Variants in GDAP2 observed in about 807,000 individuals in gnomAD.
GDAP2 encodes ganglioside induced differentiation associated protein 2.
GDAP2 carries 51 observed loss-of-function variants against 67.0 expected under a neutral mutation model. The observed-to-expected ratio is 0.76, with a 90% CI of 0.61 to 0.96. GDAP2 has a LOEUF of 0.96. Among genes scored for constraint, GDAP2 ranks in the 40% least tolerant of loss-of-function variants. The pLI, the probability that GDAP2 is intolerant of heterozygous loss-of-function variation, is 0.00. For synonymous variants in GDAP2, 203 were observed against 207.3 expected, an observed-to-expected ratio of 0.98 and a Z score of 0.18; for missense variants, 547 against 588.3, an observed-to-expected ratio of 0.93 and a Z score of 0.73.
In GDAP2 at chr1:117,912,114, T is replaced by C. The variant is rs769936971; in HGVS notation, c.471-32A>G. 1.6e-6 allele frequency: 2 copies of C among 1,261,914 alleles called. 1 individual carries two copies. Among genetic ancestry groups the C allele is most frequent in the South Asian group, 2.4e-5 (2 of 83,982 alleles). 78.2% of individuals were successfully genotyped at this position (1,261,914 alleles called of 1,614,324 possible). The stretch of plus-strand genomic sequence containing the variant: ...CAAAGGGAAAACACAAAAATTGCAC[T>C]AGAAATATCAGTAATACATACACAA... On this transcript the variant is annotated intron_variant, in intron 4 of 13. Coordinates refer to ENST00000369443, the MANE Select transcript of GDAP2 (RefSeq NM_017686.4).
In GDAP2 at chr1:117,867,137, C is replaced by T. The variant is rs1252603428; in HGVS notation, c.*3432G>A. On this transcript the variant is annotated 3_prime_UTR_variant, in exon 14 of 14. Coordinates refer to ENST00000369443, the MANE Select transcript of GDAP2 (RefSeq NM_017686.4). ...TGCTGAATACTTAATTTTATCACTT[C>T]TCCATTAACTGTTATAAAGACAAGA... 1.3e-5 allele frequency: 2 copies of T among 152,050 alleles called. No homozygotes were observed. The highest frequency in any genetic ancestry group is 2.9e-5 in the Non-Finnish European group (2 of 68,016). The allele number at this position is 152,050 out of a possible 1,614,324, so 9.4% of individuals were successfully genotyped here. A position where few individuals can be genotyped will look rare whatever the true frequency, so the allele number is the denominator to read the frequency against.
At chr1:117,889,601 A>T (rs752747916) in intron 8 of GDAP2, among the ~76,000 whole-genome samples, 5 of 152,084 alleles carry the variant, frequency 3.3e-5, no homozygotes, top group Non-Finnish European at 7.4e-5. Context: ...TTCACTTAAC[A>T]TACTGTCTTA....
At position 117,867,048 on chromosome 1, in the gene GDAP2, T is replaced by G. The variant is rs912073679; in HGVS notation, c.*3521A>C. 2.9e-4 allele frequency: 44 copies of G among 152,276 alleles called. No homozygotes were observed. The highest frequency in any genetic ancestry group is 9.1e-4 in the African/African-American group (38 of 41,570). The allele number at this position is 152,276 out of a possible 1,614,324, so 9.4% of individuals were successfully genotyped here. On this transcript the variant is annotated 3_prime_UTR_variant, in exon 14 of 14. Transcript: ENST00000369443. The stretch of plus-strand genomic sequence containing the variant: ...ATTTCTGTGCATATATTAAGCAATT[T>G]AAACTCTATATACATACATACTGTC...
rs1241770618 is a variant in GDAP2, at chr1:117,881,989, A to C, written c.1248-112T>G. The C allele has an allele frequency of 9.6e-6, 6 of 622,684 alleles. No homozygotes were observed. In the African/African-American group the frequency reaches 1.1e-4, roughly 12 times the overall value. The allele number at this position is 622,684 out of a possible 1,614,324, so 38.6% of individuals were successfully genotyped here. The stretch of plus-strand genomic sequence containing the variant: ...GAGTATATAAATATATTCAGAGAAA[A>C]ATAAAGACAGCTATAATTTACAGAT... On this transcript the variant is annotated intron_variant, in intron 11 of 13. Transcript: ENST00000369443.
At chr1:117,902,484 C>A (rs1649513783) in intron 6 of GDAP2, among the ~76,000 whole-genome samples, 1 of 152,144 alleles carries the variant, frequency 6.6e-6, no homozygotes, top group Non-Finnish European at 1.5e-5. Flanking sequence ...TTTGTATCTG[C>A]TATAAGGTAG....
intron 8 of GDAP2, among the ~76,000 whole-genome samples, chr1:117,892,363 A>G (rs1195664602): frequency 2.0e-5 from 3 of 152,148 alleles, no homozygotes; most frequent in Non-Finnish European, 4.4e-5. Flanking sequence ...TCTTATAAAC[A>G]GCACCTCACT....
At chr1:117,907,980 A>G (rs1163673261) in intron 5 of GDAP2, among the ~76,000 whole-genome samples, 4 of 151,978 alleles carry the variant, frequency 2.6e-5, no homozygotes, top group Admixed American at 6.6e-5. Context: ...TATTCCTCCC[A>G]CATCTTATGC....
At chr1:117,922,941 C>A (rs56974581) in intron 1 of GDAP2, among the ~76,000 whole-genome samples, 40 of 152,320 alleles carry the variant, frequency 2.6e-4, no homozygotes, top group African/African-American at 8.9e-4. Flanking sequence ...GGCAGACACT[C>A]CCACGGTGGA....
intron 10 of GDAP2, 67 bp downstream of exon 10, chr1:117,886,510 C>T: frequency 1.1e-6 from 1 of 884,242 alleles, no homozygotes; most frequent in South Asian, 1.4e-5. Flanking sequence ...GCCTTGATTC[C>T]AAATTCATAT....
rs535850145 is a variant in GDAP2 at position 117,917,297 on chromosome 1, G to A, written c.316+1300C>T. Reference sequence around the variant, plus strand: ...TTGGAGTCATGCTTGTTTTTATTAAGTCATTAATAAAAATGTAAAAAGGGG... The same window carrying A: ...TTGGAGTCATGCTTGTTTTTATTAAATCATTAATAAAAATGTAAAAAGGGG... On this transcript the variant is annotated intron_variant, in intron 3 of 13. Coordinates refer to ENST00000369443, the MANE Select transcript of GDAP2 (RefSeq NM_017686.4). 2.6e-5 allele frequency among the ~76,000 whole-genome samples: 4 copies of A among 152,020 alleles called. No individual in the cohort carries two copies. In the East Asian group the frequency reaches 5.8e-4, roughly 22 times the overall value.
chr1:117,904,749 A>G (rs1649601802), intron 6 of GDAP2, among the ~76,000 whole-genome samples: 1 of 152,158 alleles, frequency 6.6e-6, no homozygotes, highest in Non-Finnish European at 1.5e-5. Flanking sequence ...CCCTGAGAGC[A>G]AGAGCCATAT....
chr1:117,912,793 T>A, intron 3 of GDAP2, 110 bp from the exon 4 acceptor site: 1 of 905,422 alleles, frequency 1.1e-6, no homozygotes, highest in Non-Finnish European at 1.7e-6. Context: ...AAATTTCAGT[T>A]AAAAATACAG....
rs80169279 is a variant in GDAP2, at chr1:117,870,550, A to G, written c.*19T>C. The G allele has an allele frequency of 5.5e-4, 834 of 1,522,944 alleles. 7 individuals carry two copies. The African/African-American group carries it at 0.01, about 19-fold the overall frequency. The allele number at this position is 1,522,944 out of a possible 1,614,324, so 94.3% of individuals were successfully genotyped here. A position where few individuals can be genotyped will look rare whatever the true frequency, so the allele number is the denominator to read the frequency against. On this transcript the variant is annotated 3_prime_UTR_variant, in exon 14 of 14. Coordinates refer to ENST00000369443, the MANE Select transcript of GDAP2 (RefSeq NM_017686.4). ...GGAAGTGGCATCCTGGGAACCAAGA[A>G]GCACTGAAAGATGGCAGGTCACAAA...
At chr1:117,927,338 T>C (rs181573984) in intron 1 of GDAP2, among the ~76,000 whole-genome samples, 34 of 152,196 alleles carry the variant, frequency 2.2e-4, no homozygotes, top group Admixed American at 7.2e-4. Flanking sequence ...CTGGGCAAAA[T>C]TGGGCATAAT....
chr1:117,877,856 G>A (rs2101118848), intron 13 of GDAP2, 153 bp downstream of exon 13: 1 of 1,274,866 alleles, frequency 7.8e-7, no homozygotes, highest in African/African-American at 1.5e-5. Flanking sequence ...AGTTATCATA[G>A]GGAAAGTATG....
intron 8 of GDAP2, among the ~76,000 whole-genome samples, chr1:117,893,107 T>C (rs112309568): frequency 0.014 from 2,071 of 152,228 alleles, 38 homozygotes; most frequent in South Asian, 0.092. Context: ...TAGTAAAAGC[T>C]TAATAAGTAT....
rs759941172 is a variant in GDAP2 at position 117,864,171 on chromosome 1, T to C, written c.*6398A>G. ...CATTATTCATGTTGATGAAACATTT[T>C]AAAATAATATTCATGCTCTGAATTA... On this transcript the variant is annotated 3_prime_UTR_variant, in exon 14 of 14. Transcript: ENST00000369443. The C allele has an allele frequency of 2.9e-4, 44 of 152,366 alleles. No homozygotes were observed. Among genetic ancestry groups the C allele is most frequent in the African/African-American group, 1.1e-3 (44 of 41,586 alleles). 9.4% of individuals were successfully genotyped at this position (152,366 alleles called of 1,614,324 possible). A position where few individuals can be genotyped will look rare whatever the true frequency, so the allele number is the denominator to read the frequency against.
chr1:117,901,115 T>C (rs1649454367), intron 6 of GDAP2, among the ~76,000 whole-genome samples: 1 of 152,160 alleles, frequency 6.6e-6, no homozygotes, highest in Non-Finnish European at 1.5e-5. Context: ...GCATTTTGTG[T>C]CTGGTTTCTT....
At chr1:117,870,751 C>CA in intron 13 of GDAP2, 135 bp from the exon 14 acceptor site, 1 of 705,154 alleles carries the variant, frequency 1.4e-6, no homozygotes, top group Admixed American at 2.2e-5. Context: ...AGCAGGCCCT[C>CA]AGCCATTAGG....
Sources: gnomAD v4.1 joint callset for allele counts (sites outside exome capture counted in the v4.1 genomes callset) on GRCh38, gnomAD v4.1.1 for gene constraint, MANE v1.5 for transcripts, NCBI Gene and HGNC (gene_info 2026-07-23, HGNC 2026-07-21) for gene names.